The following RAB38 variants were observed in gnomAD, a reference collection of about 807,000 sequenced individuals.
RAB38 encodes ras-related protein Rab-38.
RAB38 carries 15 observed loss-of-function variants against 18.4 expected under a neutral mutation model. That is an observed-to-expected ratio of 0.82 (90% confidence interval 0.55 to 1.26). The LOEUF (loss-of-function observed/expected upper bound fraction) is 1.26. RAB38 is among the 50% of genes most tolerant of loss of function. The probability of loss-of-function intolerance (pLI) is 0.00; values close to 1 mark genes in which losing one functional copy is unlikely to be tolerated. For synonymous variants in RAB38, 101 were observed against 104.4 expected (o/e 0.97, Z 0.20); for missense variants, 294 against 267.4 (o/e 1.10, Z -0.69).
chr11:87,912,770 T>C, the RAB38 span, among the ~76,000 whole-genome samples: 1 of 147,460 alleles, frequency 6.8e-6, no homozygotes, highest in African/African-American at 2.4e-5. Flanking sequence ...TTCTTTCTTT[T>C]TTTTTTTTTT....
At chr11:87,836,356 A>G in the RAB38 span, among the ~76,000 whole-genome samples, 2 of 152,118 alleles carry the variant, frequency 1.3e-5, no homozygotes, top group African/African-American at 2.4e-5. Context: ...TAAAAGTTCT[A>G]TCTACCTGAT....
intron 2 of RAB38, among the ~76,000 whole-genome samples, chr11:88,118,966 C>T (rs981354924): frequency 7.2e-5 from 11 of 152,080 alleles, no homozygotes; most frequent in Non-Finnish European, 1.2e-4. Context: ...GTAACTTATC[C>T]AGAGCAGAAC....
chr11:88,042,672 T>C, the RAB38 span, among the ~76,000 whole-genome samples: 1 of 152,144 alleles, frequency 6.6e-6, no homozygotes, highest in Non-Finnish European at 1.5e-5. Context: ...GTAGACCCAG[T>C]AGGACGCAGG....
the RAB38 span, among the ~76,000 whole-genome samples, chr11:87,842,816 G>GCA: frequency 5.5e-3 from 811 of 147,342 alleles, 4 homozygotes; most frequent in South Asian, 0.024. Flanking sequence ...ACACGCGCGC[G>GCA]CACACACACA....
At chr11:87,925,366 C>T in the RAB38 span, among the ~76,000 whole-genome samples, 1 of 152,016 alleles carries the variant, frequency 6.6e-6, no homozygotes, top group African/African-American at 2.4e-5. Context: ...CAAGTAGCTA[C>T]CATGTACCAG....
At chr11:88,110,813 CAAAAAAA>C (rs10700245), downstream of RAB38, among the ~76,000 whole-genome samples, 1 of 115,240 alleles carries the variant, frequency 8.7e-6, no homozygotes, top group East Asian at 2.3e-4. Flanking sequence ...GACTCCATCT[CAAAAAAA>C]AAAAAAAGAA....
In RAB38 at chr11:88,114,047, C is replaced by T. The variant is rs371255484; in HGVS notation, c.577G>A (p.Val193Met). 3.8e-5 allele frequency: 62 copies of T among 1,614,154 alleles called. No individual in the cohort carries two copies. The highest frequency in any genetic ancestry group is 4.5e-5 in the East Asian group (2 of 44,884). The change falls in exon 3 of 3, where the codon GTG (valine) becomes ATG (methionine). Residue 193 changes from valine (V) to methionine (M), a missense_variant. Physicochemically the swap from Val to Met is conservative, Grantham distance 21. Coordinates refer to ENST00000243662, the MANE Select transcript of RAB38 (RefSeq NM_022337.3). ...DLMESIEPDV[V>M]KPHLTSTKVA... ...TTGGTTGATGTGAGATGGGGCTTCA[C>T]GACGTCCGGCTCAATAGACTCCATT...
At chr11:87,962,268 A>C in the RAB38 span, among the ~76,000 whole-genome samples, 2 of 152,196 alleles carry the variant, frequency 1.3e-5, no homozygotes, top group East Asian at 3.8e-4. Flanking sequence ...TGGAGCACTA[A>C]ACCGAGTCCA....
chr11:87,890,307 A>T, the RAB38 span, among the ~76,000 whole-genome samples: 1 of 151,964 alleles, frequency 6.6e-6, no homozygotes, highest in African/African-American at 2.4e-5. Context: ...TTAAAGTTCA[A>T]ACACATTCAC....
the RAB38 span, among the ~76,000 whole-genome samples, chr11:87,819,672 A>AT: frequency 6.7e-6 from 1 of 148,454 alleles, no homozygotes; most frequent in Non-Finnish European, 1.5e-5. Context: ...ATATATATAT[A>AT]TATGTGTATA....
chr11:87,948,682 A>G, the RAB38 span, among the ~76,000 whole-genome samples: 2 of 133,150 alleles, frequency 1.5e-5, no homozygotes, highest in East Asian at 4.4e-4. Context: ...GGTTCTGTTT[A>G]TATGCTGGAT....
chr11:88,034,919 A>T, the RAB38 span, among the ~76,000 whole-genome samples: 1 of 152,234 alleles, frequency 6.6e-6, no homozygotes, highest in East Asian at 1.9e-4. Context: ...AAATATTGAC[A>T]AATAGTTTCA....
the RAB38 span, among the ~76,000 whole-genome samples, chr11:88,045,896 C>T: frequency 2.0e-5 from 3 of 152,276 alleles, no homozygotes; most frequent in Non-Finnish European, 4.4e-5. Flanking sequence ...AGACAATACT[C>T]TTTTAAGCAC....
chr11:88,083,575 T>C, the RAB38 span, among the ~76,000 whole-genome samples: 3 of 151,932 alleles, frequency 2.0e-5, no homozygotes, highest in Non-Finnish European at 2.9e-5. Flanking sequence ...ATGGTTTGAA[T>C]GTGTCCCTTT....
At chr11:87,909,799 A>G in the RAB38 span, among the ~76,000 whole-genome samples, 1 of 152,040 alleles carries the variant, frequency 6.6e-6, no homozygotes, top group Non-Finnish European at 1.5e-5. Context: ...AAATTGGCTT[A>G]TTCATTACAC....
At chr11:88,039,781 G>T in the RAB38 span, among the ~76,000 whole-genome samples, 2 of 151,990 alleles carry the variant, frequency 1.3e-5, no homozygotes, top group African/African-American at 2.4e-5. Flanking sequence ...ACAGTGACTG[G>T]GCCTTAAATG....
the RAB38 span, among the ~76,000 whole-genome samples, chr11:87,942,092 T>C: frequency 6.6e-6 from 1 of 152,208 alleles, no homozygotes; most frequent in African/African-American, 2.4e-5. Context: ...ACCATATTTC[T>C]CCTTATAAAT....
intron 1 of RAB38, among the ~76,000 whole-genome samples, chr11:88,169,710 C>T (rs1429826006): frequency 6.6e-6 from 1 of 152,206 alleles, no homozygotes; most frequent in Non-Finnish European, 1.5e-5. Flanking sequence ...CAAGAAACAT[C>T]ACACTAGCCT....
At chr11:88,031,785 G>C in the RAB38 span, among the ~76,000 whole-genome samples, 1 of 152,064 alleles carries the variant, frequency 6.6e-6, no homozygotes, top group Non-Finnish European at 1.5e-5. Flanking sequence ...AATCAATATC[G>C]TGAAAATGGC....
Sources: allele counts gnomAD v4.1 joint callset (sites outside exome capture counted in the v4.1 genomes callset), GRCh38; gene constraint gnomAD v4.1.1; transcripts MANE v1.5; gene names NCBI Gene and HGNC (gene_info 2026-07-23, HGNC 2026-07-21).